The following AP3S1 variants were observed in gnomAD, a reference collection of about 807,000 sequenced individuals.
The protein encoded by AP3S1 is AP-3 complex subunit sigma-1.
Under a neutral mutation model 21.3 loss-of-function variants are expected in AP3S1, and 12 were observed. That is an observed-to-expected ratio of 0.56 (90% CI 0.36 to 0.91). The LOEUF (loss-of-function observed/expected upper bound fraction) is 0.91, where lower values mean the gene tolerates loss of function less well. Ranked by LOEUF, AP3S1 falls within the 40% of genes least tolerant of loss-of-function variation. The pLI is 0.01. For synonymous variants in AP3S1, 48 were observed against 78.4 expected, an observed-to-expected ratio of 0.61 and a Z score of 2.05; for missense variants, 116 against 225.0, an observed-to-expected ratio of 0.52 and a Z score of 3.10.
chr5:115,864,759 C>T (rs746575478), intron 1 of AP3S1, among the ~76,000 whole-genome samples: 4 of 152,094 alleles, frequency 2.6e-5, no homozygotes, highest in Non-Finnish European at 5.9e-5. Context: ...AATCTAAGAG[C>T]GCATAGCACA....
intron 1 of AP3S1, among the ~76,000 whole-genome samples, chr5:115,850,172 C>T (rs1272067940): frequency 1.3e-5 from 2 of 152,178 alleles, no homozygotes; most frequent in East Asian, 3.9e-4. Flanking sequence ...CTGTCAGTCA[C>T]AGTTCTCTTT....
At chr5:115,881,911 T>C (rs1393804140) in intron 3 of AP3S1, among the ~76,000 whole-genome samples, 2 of 152,024 alleles carry the variant, frequency 1.3e-5, no homozygotes, top group Admixed American at 6.6e-5. Flanking sequence ...TTCATTCTTT[T>C]TTCTCTAATC....
chr5:115,912,991 A>G (rs1434612622), intron 5 of AP3S1, among the ~76,000 whole-genome samples: 4 of 152,172 alleles, frequency 2.6e-5, no homozygotes, highest in Admixed American at 2.0e-4. Flanking sequence ...ATCTATCACA[A>G]TCGTTGCAAG....
At chr5:115,897,590 C>T (rs531855061) in intron 4 of AP3S1, among the ~76,000 whole-genome samples, 1 of 151,470 alleles carries the variant, frequency 6.6e-6, no homozygotes, top group Non-Finnish European at 1.5e-5. Context: ...GAGATGGAGT[C>T]TCGCTCTGTC....
At position 115,887,486 on chromosome 5, in the gene AP3S1, T is replaced by A. The variant is rs1749901218; in HGVS notation, c.274-7601T>A. Among the ~76,000 whole-genome samples, 3 of 151,842 alleles carry A rather than the reference T, an allele frequency of 2.0e-5. No individual in the cohort carries two copies. In the South Asian group the frequency reaches 6.2e-4, roughly 32 times the overall value. ...TTTTACTTAGAAACTCAAAAAGGGGTCTGCCAAATAAGTGGTATTGTTTAA... is the reference window on the plus strand; with the variant it reads ...TTTTACTTAGAAACTCAAAAAGGGGACTGCCAAATAAGTGGTATTGTTTAA... On this transcript the variant is annotated intron_variant, in intron 3 of 5. Transcript: ENST00000316788.
chr5:115,876,010 A>G (rs527353657), intron 3 of AP3S1, among the ~76,000 whole-genome samples: 2 of 152,240 alleles, frequency 1.3e-5, no homozygotes, highest in African/African-American at 4.8e-5. Flanking sequence ...TACATGTTTC[A>G]TTGATGTCTT....
intron 3 of AP3S1, among the ~76,000 whole-genome samples, chr5:115,886,793 G>A (rs955615939): frequency 1.3e-5 from 2 of 152,018 alleles, no homozygotes; most frequent in African/African-American, 2.4e-5. Context: ...AATCATTAAT[G>A]TAAACTCTTT....
chr5:115,883,392 T>C (rs922860077), intron 3 of AP3S1, among the ~76,000 whole-genome samples: 12 of 152,186 alleles, frequency 7.9e-5, no homozygotes, highest in Non-Finnish European at 8.8e-5. Context: ...AAAAGTGTAG[T>C]ATCTGGGCTG....
At chr5:115,846,483 T>A (rs1175380846) in intron 1 of AP3S1, among the ~76,000 whole-genome samples, 1 of 151,884 alleles carries the variant, frequency 6.6e-6, no homozygotes, top group Non-Finnish European at 1.5e-5. Context: ...TCAATTTTTT[T>A]AATAAACTGT....
chr5:115,852,976 T>C, intron 1 of AP3S1: 1 of 454,180 alleles, frequency 2.2e-6, no homozygotes, highest in Non-Finnish European at 4.4e-6. Flanking sequence ...CTCATTTCTC[T>C]AGGGTATATA....
chr5:115,907,565 A>G (rs1174743270), intron 5 of AP3S1, among the ~76,000 whole-genome samples: 1 of 152,226 alleles, frequency 6.6e-6, no homozygotes, highest in African/African-American at 2.4e-5. Flanking sequence ...TGGAATTACC[A>G]AATTACCAAA....
chr5:115,885,904 A>G (rs1230966978), intron 3 of AP3S1, among the ~76,000 whole-genome samples: 1 of 152,184 alleles, frequency 6.6e-6, no homozygotes, highest in Non-Finnish European at 1.5e-5. Flanking sequence ...TGAGATTTTA[A>G]CTGTTAACAG....
intron 3 of AP3S1, among the ~76,000 whole-genome samples, chr5:115,894,025 T>C (rs1370712972): frequency 6.6e-6 from 1 of 152,186 alleles, no homozygotes; most frequent in East Asian, 1.9e-4. Context: ...TCAGAGATCA[T>C]CAGGATCATC....
chr5:115,869,755 C>G (rs976976230), intron 2 of AP3S1, among the ~76,000 whole-genome samples: 1 of 152,324 alleles, frequency 6.6e-6, no homozygotes, highest in Non-Finnish European at 1.5e-5. Context: ...ACTACCAGTG[C>G]TTGGCACATA....
chr5:115,887,184 A>G (rs150863660), intron 3 of AP3S1, among the ~76,000 whole-genome samples: 3 of 152,260 alleles, frequency 2.0e-5, no homozygotes, highest in Non-Finnish European at 2.9e-5. Flanking sequence ...TGGTACATTC[A>G]ATATTTGTAA....
At chr5:115,865,101 C>T (rs1038203332) in intron 1 of AP3S1, among the ~76,000 whole-genome samples, 2 of 151,846 alleles carry the variant, frequency 1.3e-5, no homozygotes, top group Admixed American at 6.6e-5. Flanking sequence ...CCAGCCTCCC[C>T]ATCCACTACC....
intron 1 of AP3S1, among the ~76,000 whole-genome samples, chr5:115,847,411 A>C (rs1441117660): frequency 2.0e-5 from 3 of 152,232 alleles, no homozygotes; most frequent in Non-Finnish European, 4.4e-5. Flanking sequence ...TGAGCCCAGG[A>C]GTTCAAGACA....
chr5:115,875,023 C>T lies in AP3S1; in HGVS notation c.273+4895C>T, dbSNP rs115753747. Among the ~76,000 whole-genome samples the T allele has an allele frequency of 5.1e-3, 772 of 152,214 alleles. 2 individuals carry two copies. Among genetic ancestry groups the T allele is most frequent in the South Asian group, 7.3e-3 (35 of 4,814 alleles). On this transcript the variant is annotated intron_variant, in intron 3 of 5. Coordinates refer to ENST00000316788, the MANE Select transcript of AP3S1 (RefSeq NM_001284.4). Reference sequence around the variant, plus strand: ...TTAAAAAAAGATATTTCATGTGAAACCCATGACTAAATGATTAACATTTCA... The same window carrying T: ...TTAAAAAAAGATATTTCATGTGAAATCCATGACTAAATGATTAACATTTCA...
intron 1 of AP3S1, among the ~76,000 whole-genome samples, chr5:115,858,705 A>G (rs1471932239): frequency 1.3e-5 from 2 of 150,874 alleles, no homozygotes; most frequent in Non-Finnish European, 3.0e-5. Flanking sequence ...TTTATTCTCC[A>G]GTTTTCTACT....
Sources: gnomAD v4.1 joint callset for allele counts (sites outside exome capture counted in the v4.1 genomes callset) on GRCh38, gnomAD v4.1.1 for gene constraint, MANE v1.5 for transcripts, NCBI Gene and HGNC (gene_info 2026-07-23, HGNC 2026-07-21) for gene names.